MAP4K4: variants seen among roughly 807,000 people sequenced by gnomAD.
MAP4K4 encodes the protein mitogen-activated protein kinase kinase kinase kinase 4, also known as HPK/GCK-like kinase HGK.
Under a neutral mutation model 189.6 loss-of-function variants are expected in MAP4K4, and 38 were observed. The ratio of observed to expected loss-of-function variants is 0.20; its 90% CI spans 0.15 to 0.26. MAP4K4 has a LOEUF of 0.26. Ranked by LOEUF, MAP4K4 falls within the 10% of genes least tolerant of loss-of-function variation. The pLI, the probability that MAP4K4 is intolerant of heterozygous loss-of-function variation, is 1.00. For missense variants in MAP4K4, 1,054 were observed against 1,726.9 expected (o/e 0.61, Z 6.91); for synonymous variants, 610 against 624.3 (o/e 0.98, Z 0.34).
chr2:101,729,101 A>AGAGAGTGTGTGTGT (rs149283961), intron 2 of MAP4K4, among the ~76,000 whole-genome samples: 1,623 of 130,520 alleles, frequency 0.012, 26 homozygotes, highest in African/African-American at 0.032. Flanking sequence ...AGAGAGAGAG[A>AGAGAGTGTGTGTGT]GTGTGTGTGT....
chr2:101,737,463 T>A (rs10176292), intron 2 of MAP4K4, among the ~76,000 whole-genome samples: 133 of 26,002 alleles, frequency 5.1e-3, no homozygotes, highest in South Asian at 0.014. Context: ...ATATATATAT[T>A]TTTTTTTTTT....
At chr2:101,888,666 T>C (rs10194704) in intron 31 of MAP4K4, 130 bp from the exon 32 acceptor site, 20 of 641,066 alleles carry the variant, frequency 3.1e-5, no homozygotes, top group Non-Finnish European at 4.0e-5. Flanking sequence ...AATCCTTAAA[T>C]GCTAGGCATT....
chr2:101,745,894 G>A (rs1472356841), intron 2 of MAP4K4, among the ~76,000 whole-genome samples: 2 of 144,526 alleles, frequency 1.4e-5, no homozygotes, highest in South Asian at 2.2e-4. Flanking sequence ...TACTTGTATT[G>A]GCCCCCATTT....
chr2:101,798,732 AT>A (rs1442172412), intron 3 of MAP4K4, among the ~76,000 whole-genome samples: 2 of 152,204 alleles, frequency 1.3e-5, no homozygotes, highest in African/African-American at 4.8e-5. Flanking sequence ...AGGGTGTTCC[AT>A]TTTTGGTGGT....
intron 3 of MAP4K4, 45 bp downstream of exon 3, chr2:101,790,821 A>T: frequency 6.9e-7 from 1 of 1,442,460 alleles, no homozygotes; most frequent in Non-Finnish European, 9.7e-7. Flanking sequence ...TAGATGGAAG[A>T]CAAAGATTCC....
intron 10 of MAP4K4, 98 bp downstream of exon 10, chr2:101,840,092 A>T (rs1023245087): frequency 8.4e-7 from 1 of 1,187,810 alleles, no homozygotes; most frequent in Non-Finnish European, 1.2e-6. Flanking sequence ...GAGAGTGCTC[A>T]CTTGGCCAGT....
rs144328017 is a variant in MAP4K4 at position 101,775,198 on chromosome 2, A to G, written c.124-15522A>G. ...GCCATTATTGGTACAGTTTAGGAGG[A>G]TGAGTTTCTGGGGACAGCTGGCCTA... On this transcript the variant is annotated intron_variant, in intron 2 of 32. Coordinates refer to ENST00000324219, the Ensembl canonical transcript of MAP4K4. Among the ~76,000 whole-genome samples the G allele has an allele frequency of 5.9e-3, 891 of 151,728 alleles. 9 individuals are homozygous for G. The highest frequency in any genetic ancestry group is 0.021 in the African/African-American group (864 of 41,320).
At chr2:101,799,125 A>G (rs2148946840) in intron 3 of MAP4K4, among the ~76,000 whole-genome samples, 1 of 152,310 alleles carries the variant, frequency 6.6e-6, no homozygotes, top group East Asian at 1.9e-4. Context: ...TGAGCCTCCT[A>G]GGCAGTTAAC....
intron 14 of MAP4K4, 116 bp downstream of exon 14, chr2:101,859,198 T>G: frequency 1.3e-6 from 1 of 768,502 alleles, no homozygotes; most frequent in Non-Finnish European, 2.2e-6. Context: ...GCAGCCAGGC[T>G]GAAATAGTGA....
chr2:101,712,062 G>A (rs1325091949), intron 2 of MAP4K4, among the ~76,000 whole-genome samples: 2 of 148,004 alleles, frequency 1.4e-5, no homozygotes, highest in Non-Finnish European at 3.0e-5. Flanking sequence ...GGTTGCTTTA[G>A]GTTTGTAGCA....
intron 2 of MAP4K4, among the ~76,000 whole-genome samples, chr2:101,758,891 T>TG (rs770949441): frequency 1.1e-4 from 17 of 151,860 alleles, no homozygotes; most frequent in Admixed American, 2.6e-4. Context: ...CCCAGCACTT[T>TG]GGGAGGCTGA....
chr2:101,889,380 A>C (rs1322767450), intron 32 of MAP4K4, among the ~76,000 whole-genome samples: 1 of 152,152 alleles, frequency 6.6e-6, no homozygotes. Context: ...CTAGGTTTGC[A>C]TGACAGAAAT....
chr2:101,869,841 A>G (rs1221013223), intron 22 of MAP4K4, 44 bp downstream of exon 22: 1 of 1,473,670 alleles, frequency 6.8e-7, no homozygotes, highest in South Asian at 1.4e-5. Flanking sequence ...GTATTCTCTC[A>G]GAGCCTGCTT....
chr2:101,767,297 A>G (rs1030115090), intron 2 of MAP4K4, among the ~76,000 whole-genome samples: 7 of 152,182 alleles, frequency 4.6e-5, no homozygotes, highest in Non-Finnish European at 8.8e-5. Context: ...AGCCACACAT[A>G]CTTGCAAATA....
chr2:101,781,897 C>T (rs756656214), intron 2 of MAP4K4, among the ~76,000 whole-genome samples: 7 of 152,160 alleles, frequency 4.6e-5, no homozygotes, highest in Non-Finnish European at 8.8e-5. Context: ...GTCTGGTCCC[C>T]CCACCTGCCA....
In MAP4K4 at chr2:101,825,102, A is replaced by G. The variant is rs140247214; in HGVS notation, c.307-217A>G. On this transcript the variant is annotated intron_variant, in intron 4 of 32. Coordinates refer to ENST00000324219, the Ensembl canonical transcript of MAP4K4. ...TTGCTGCACTTGGGTGTGCCGTAGA[A>G]TACCAGACACTGTCAGTCTTCTGGA... Among the ~76,000 whole-genome samples, 632 of 152,298 alleles carry G rather than the reference A, an allele frequency of 4.1e-3. 6 individuals carry two copies. The highest frequency in any genetic ancestry group is 0.014 in the African/African-American group (589 of 41,556).
intron 2 of MAP4K4, among the ~76,000 whole-genome samples, chr2:101,763,191 G>C (rs1011043870): frequency 3.3e-5 from 5 of 152,322 alleles, no homozygotes; most frequent in East Asian, 1.9e-4. Flanking sequence ...TGAGACAGAA[G>C]AATCCGGTGA....
rs542214343 is a variant in MAP4K4 at position 101,831,863 on chromosome 2, C to A, written c.639+12C>A. 1 of 1,612,320 alleles carries A rather than the reference C, an allele frequency of 6.2e-7. No individual in the cohort carries two copies. The highest frequency in any genetic ancestry group is 2.2e-5 in the East Asian group (1 of 44,854). ...CCTATGATTACAGAGTAAGAGGCACCTGCTCCGTAGGCCTTTGCAGGGCCA... is the reference window on the plus strand; with the variant it reads ...CCTATGATTACAGAGTAAGAGGCACATGCTCCGTAGGCCTTTGCAGGGCCA... On this transcript the variant is annotated intron_variant, in intron 7 of 32. Transcript: ENST00000324219.
intron 2 of MAP4K4, among the ~76,000 whole-genome samples, chr2:101,749,388 T>C (rs2067376671): frequency 6.6e-6 from 1 of 151,410 alleles, no homozygotes; most frequent in Non-Finnish European, 1.5e-5. Flanking sequence ...TTGACAAACC[T>C]GAGAAAAACA....
Sources: gnomAD v4.1 joint callset for allele counts (sites outside exome capture counted in the v4.1 genomes callset) on GRCh38, gnomAD v4.1.1 for gene constraint, MANE v1.5 for transcripts, NCBI Gene and HGNC (gene_info 2026-07-23, HGNC 2026-07-21) for gene names.